Variants in TLN2 observed in about 807,000 individuals in gnomAD.
TLN2 encodes the protein talin 2.
TLN2 carries 118 observed loss-of-function variants against 294.7 expected under a neutral mutation model. The observed-to-expected ratio is 0.40, with a 90% CI of 0.34 to 0.47. TLN2 has a LOEUF of 0.47. TLN2 is among the 20% of genes least tolerant of loss of function. The probability of loss-of-function intolerance (pLI) is 0.84; values close to 1 mark genes in which losing one functional copy is unlikely to be tolerated. For synonymous variants in TLN2, 1,431 were observed against 1,304.5 expected, an observed-to-expected ratio of 1.10 and a Z score of -2.09; for missense variants, 3,083 against 3,282.2, an observed-to-expected ratio of 0.94 and a Z score of 1.48.
At chr15:62,781,763 TTCCGACAG>T (rs1300145489) in intron 44 of TLN2, among the ~76,000 whole-genome samples, 1 of 152,094 alleles carries the variant, frequency 6.6e-6, no homozygotes, top group East Asian at 1.9e-4. Context: ...AAAAAAAAAA[TTCCGACAG>T]TAGAAGGCAT....
chr15:62,593,028 G>C (rs2046206651), intron 2 of TLN2, among the ~76,000 whole-genome samples: 5 of 152,126 alleles, frequency 3.3e-5, no homozygotes, highest in African/African-American at 1.2e-4. Context: ...ATTGTTTTTG[G>C]CTCTCAGGGA....
chr15:62,591,786 G>A (rs1385138585), intron 2 of TLN2, among the ~76,000 whole-genome samples: 6 of 152,098 alleles, frequency 3.9e-5, no homozygotes, highest in East Asian at 1.9e-4. Context: ...TGTGGAGGTC[G>A]AGGGCACAGC....
At chr15:62,470,352 C>T (rs559223304) in intron 1 of TLN2, among the ~76,000 whole-genome samples, 6 of 152,332 alleles carry the variant, frequency 3.9e-5, no homozygotes, top group East Asian at 3.9e-4. Context: ...GTGAGGAAAA[C>T]GAGACCCTGG....
intron 28 of TLN2, among the ~76,000 whole-genome samples, chr15:62,731,923 A>G (rs980564927): frequency 3.3e-5 from 5 of 152,258 alleles, no homozygotes; most frequent in African/African-American, 4.8e-5. Context: ...TACTTTGAAA[A>G]TAAAAATTTT....
intron 2 of TLN2, among the ~76,000 whole-genome samples, chr15:62,594,380 A>C (rs1485112846): frequency 1.3e-5 from 2 of 151,932 alleles, no homozygotes; most frequent in African/African-American, 4.8e-5. Flanking sequence ...GCTAATTTTT[A>C]ATTTTTTTGG....
chr15:62,724,149 C>G (rs571294101), intron 26 of TLN2, among the ~76,000 whole-genome samples: 3 of 151,966 alleles, frequency 2.0e-5, no homozygotes, highest in Non-Finnish European at 4.4e-5. Flanking sequence ...CTCTGTCTCC[C>G]AAAAAAATAG....
intron 1 of TLN2, among the ~76,000 whole-genome samples, chr15:62,573,109 C>T (rs935141008): frequency 3.9e-5 from 6 of 152,176 alleles, no homozygotes; most frequent in Admixed American, 2.0e-4. Flanking sequence ...AATCAGCATC[C>T]GGTGTTTATA....
chr15:62,391,091 G>C (rs1288308687), intron 1 of TLN2, among the ~76,000 whole-genome samples: 1 of 152,212 alleles, frequency 6.6e-6, no homozygotes, highest in Admixed American at 6.5e-5. Flanking sequence ...TGCATAGAGT[G>C]TCCCCTCGAC....
intron 1 of TLN2, among the ~76,000 whole-genome samples, chr15:62,429,296 A>G (rs1277647884): frequency 6.6e-6 from 1 of 152,162 alleles, no homozygotes; most frequent in East Asian, 1.9e-4. Flanking sequence ...CTGTTCTGGG[A>G]AGCCAGGAGG....
At chr15:62,622,086 G>C (rs1421342845) in intron 3 of TLN2, among the ~76,000 whole-genome samples, 2 of 152,022 alleles carry the variant, frequency 1.3e-5, no homozygotes, top group Admixed American at 1.3e-4. Flanking sequence ...TAAGCTGGGG[G>C]GTGGGGGGTG....
chr15:62,612,545 G>T (rs955324183), intron 2 of TLN2, among the ~76,000 whole-genome samples: 1 of 152,178 alleles, frequency 6.6e-6, no homozygotes, highest in Non-Finnish European at 1.5e-5. Flanking sequence ...AGCCCTGGGG[G>T]TCTTTATGGT....
At chr15:62,818,981 G>C (rs2067336083) in intron 52 of TLN2, among the ~76,000 whole-genome samples, 1 of 152,020 alleles carries the variant, frequency 6.6e-6, no homozygotes, top group Non-Finnish European at 1.5e-5. Flanking sequence ...TCAGCCTCCT[G>C]AGTAGTTGGG....
intron 1 of TLN2, among the ~76,000 whole-genome samples, chr15:62,492,696 T>C (rs2038814419): frequency 6.6e-6 from 1 of 152,160 alleles, no homozygotes; most frequent in Admixed American, 6.5e-5. Context: ...ATTCAGAATG[T>C]CCCAAACTGT....
intron 51 of TLN2, among the ~76,000 whole-genome samples, chr15:62,809,343 G>C (rs1039174018): frequency 6.6e-6 from 1 of 152,130 alleles, no homozygotes; most frequent in Admixed American, 6.6e-5. Flanking sequence ...TGTGTATCTC[G>C]ACTTTTGTAT....
At chr15:62,702,921 C>G in intron 19 of TLN2, 57 bp downstream of exon 19, 1 of 1,469,350 alleles carries the variant, frequency 6.8e-7, no homozygotes, top group South Asian at 1.1e-5. Context: ...GGTCTAGACC[C>G]GAGCAGGCAG....
intron 12 of TLN2, 34 bp downstream of exon 12, chr15:62,686,830 C>G: frequency 6.2e-7 from 1 of 1,609,220 alleles, no homozygotes; most frequent in Non-Finnish European, 8.5e-7. Flanking sequence ...AGAGCACTAG[C>G]GTGGCCTTGA....
chr15:62,522,555 G>A (rs1253195942), intron 1 of TLN2, among the ~76,000 whole-genome samples: 3 of 152,198 alleles, frequency 2.0e-5, no homozygotes, highest in African/African-American at 7.2e-5. Context: ...TGATGAATTT[G>A]TAGCTGAAAA....
intron 1 of TLN2, among the ~76,000 whole-genome samples, chr15:62,419,562 C>G (rs754123148): frequency 6.8e-6 from 1 of 147,898 alleles, no homozygotes; most frequent in Non-Finnish European, 1.5e-5. Context: ...GCACCTTTTT[C>G]TAGAAAGGTT....
chr15:62,698,916 A>G lies in TLN2; in HGVS notation c.1587+49A>G, dbSNP rs560070691. On this transcript the variant is annotated intron_variant, in intron 16 of 58. Transcript: ENST00000636159. Reference sequence around the variant, plus strand: ...ATGCCAAGTCTCTGCCCTGGCAGAAAGCAGGGTTATATACTCTGTCGGGAT... The same window carrying G: ...ATGCCAAGTCTCTGCCCTGGCAGAAGGCAGGGTTATATACTCTGTCGGGAT... The G allele has an allele frequency of 1.4e-5, 22 of 1,548,674 alleles. No homozygotes were observed. In the Admixed American group the frequency reaches 2.7e-4, roughly 19 times the overall value.
Sources: allele counts gnomAD v4.1 joint callset (sites outside exome capture counted in the v4.1 genomes callset), GRCh38; gene constraint gnomAD v4.1.1; transcripts MANE v1.5; gene names NCBI Gene and HGNC (gene_info 2026-07-23, HGNC 2026-07-21).